The following AGAP1 variants were observed in gnomAD, a reference collection of about 807,000 sequenced individuals.
AGAP1 encodes ArfGAP with GTPase domain, ankyrin repeat and PH domain 1.
In AGAP1, 29 loss-of-function variants were observed where a neutral mutation model predicts 105.3. The observed-to-expected ratio is 0.28, with a 90% CI of 0.21 to 0.38. AGAP1 has a LOEUF of 0.38. Ranked by LOEUF, AGAP1 falls within the 10% of genes least tolerant of loss-of-function variation. The pLI is 1.00. For synonymous variants in AGAP1, 509 were observed against 485.9 expected, an observed-to-expected ratio of 1.05 and a Z score of -0.63; for missense variants, 998 against 1,165.1, an observed-to-expected ratio of 0.86 and a Z score of 2.09.
At position 236,048,428 on chromosome 2, in the gene AGAP1, A is replaced by G. The variant is rs1376639914; in HGVS notation, c.1892-631A>G. ...TCAGCGTTGGTTGCGCTGCGTGATA[A>G]CCTCACCAAAGGGCCCTGCCCACCA... On this transcript the variant is annotated intron_variant, in intron 15 of 17. Transcript: ENST00000304032. 2.0e-5 allele frequency among the ~76,000 whole-genome samples: 3 copies of G among 152,184 alleles called. No individual in the cohort carries two copies. In the East Asian group the frequency reaches 5.8e-4, roughly 29 times the overall value.
chr2:235,759,519 G>A (rs1426004057), intron 6 of AGAP1, among the ~76,000 whole-genome samples: 1 of 152,180 alleles, frequency 6.6e-6, no homozygotes, highest in Non-Finnish European at 1.5e-5. Context: ...ATCTGCAGAT[G>A]GTCTCCAGAA....
Position 235,739,117 on chromosome 2 carries a change from C to T in AGAP1, c.311-1846C>T, listed in dbSNP as rs1375423740. Among the ~76,000 whole-genome samples, 2 of 152,266 alleles carry T rather than the reference C, an allele frequency of 1.3e-5. No homozygotes were observed. Among genetic ancestry groups the T allele is most frequent in the Middle Eastern group, 3.4e-3 (1 of 294 alleles). On this transcript the variant is annotated intron_variant, in intron 3 of 17. Coordinates refer to ENST00000304032, the MANE Select transcript of AGAP1 (RefSeq NM_001037131.3). The surrounding 1 kb of genome is among the most constrained non-coding windows in gnomAD (Gnocchi z 5.3). Reference sequence around the variant, plus strand: ...TGCTTTGTGTCAACTTATTACTCCTCGCCTGCTAGGACATCATCCCCTTTG... The same window carrying T: ...TGCTTTGTGTCAACTTATTACTCCTTGCCTGCTAGGACATCATCCCCTTTG...
At chr2:235,585,216 C>T (rs1297226350) in intron 1 of AGAP1, among the ~76,000 whole-genome samples, 1 of 152,166 alleles carries the variant, frequency 6.6e-6, no homozygotes, top group Non-Finnish European at 1.5e-5. Context: ...ATGGGTCTTA[C>T]GGGCCTAAAA....
intron 9 of AGAP1, among the ~76,000 whole-genome samples, chr2:235,860,975 CCCT>C (rs1292570829): frequency 2.0e-5 from 3 of 152,140 alleles, no homozygotes; most frequent in Non-Finnish European, 4.4e-5. Context: ...CTGCAGACAC[CCCT>C]CCTCTTACCA....
intron 13 of AGAP1, among the ~76,000 whole-genome samples, chr2:236,023,906 C>T (rs905681585): frequency 6.6e-6 from 1 of 152,110 alleles, no homozygotes; most frequent in Non-Finnish European, 1.5e-5. Context: ...GATTCTCATC[C>T]GGTCATTGAA....
At position 235,865,252 on chromosome 2, in the gene AGAP1, C is replaced by T. The variant is rs187366650; in HGVS notation, c.1051-18093C>T. ...ATTAGCTCCTGGCCGAATCCAGTCCCGGCCGGCGCTTTGAAGCCTGTGCTG... is the reference window on the plus strand; with the variant it reads ...ATTAGCTCCTGGCCGAATCCAGTCCTGGCCGGCGCTTTGAAGCCTGTGCTG... On this transcript the variant is annotated intron_variant, in intron 9 of 17. Transcript: ENST00000304032. The surrounding 1 kb of genome is among the most constrained non-coding windows in gnomAD (Gnocchi z 6.2). Among the ~76,000 whole-genome samples the T allele has an allele frequency of 2.5e-3, 380 of 152,248 alleles. 2 individuals are homozygous for T. Among genetic ancestry groups the T allele is most frequent in the African/African-American group, 8.3e-3 (343 of 41,566 alleles).
rs1423511437 is a variant in AGAP1 at position 235,787,006 on chromosome 2, C to T, written c.674-10753C>T. Among the ~76,000 whole-genome samples, 4 of 152,196 alleles carry T rather than the reference C, an allele frequency of 2.6e-5. No individual in the cohort carries two copies. The highest frequency in any genetic ancestry group is 4.4e-5 in the Non-Finnish European group (3 of 68,032). On this transcript the variant is annotated intron_variant, in intron 6 of 17. Transcript: ENST00000304032. This position sits in a 1 kb window ranked among gnomAD's most constrained non-coding sequence, Gnocchi z 4.4. ...TCAGGCTTCCTTGAGGGAGCTGTCG[C>T]CCCCCAAATCAGGGTCTTGACACCA...
rs1292310992 is a variant in AGAP1 at position 236,027,742 on chromosome 2, CAG to C, written c.1646-8817_1646-8816del. Among the ~76,000 whole-genome samples the C allele has an allele frequency of 5.3e-5, 8 of 152,114 alleles. No homozygotes were observed. Among genetic ancestry groups the C allele is most frequent in the Admixed American group, 5.2e-4 (8 of 15,284 alleles). On this transcript the variant is annotated intron_variant, in intron 13 of 17. Transcript: ENST00000304032. The surrounding 1 kb of genome is among the most constrained non-coding windows in gnomAD (Gnocchi z 4.4). ...GCTAGGATGAACCATCTGGTCAAAA[CAG>C]AACAGAAACCCCAAAGAGCTGTTCA...
intron 16 of AGAP1, among the ~76,000 whole-genome samples, chr2:236,099,943 G>A (rs1487551278): frequency 1.3e-5 from 2 of 152,142 alleles, no homozygotes; most frequent in African/African-American, 4.8e-5. Flanking sequence ...AGGAGGCTAA[G>A]ACAGGAGAAT....
At chr2:236,122,744 A>G (rs1026541101) in intron 17 of AGAP1, among the ~76,000 whole-genome samples, 14 of 136,178 alleles carry the variant, frequency 1.0e-4, no homozygotes, top group African/African-American at 3.2e-4. Context: ...GTGCAGTGGC[A>G]CGATCTCGGC....
chr2:236,117,921 TG>T (rs758484757), intron 16 of AGAP1, among the ~76,000 whole-genome samples: 1 of 152,158 alleles, frequency 6.6e-6, no homozygotes, highest in Non-Finnish European at 1.5e-5. Context: ...GCTGCATTTG[TG>T]GGGGCCGGTG....
At chr2:235,776,757 C>G (rs887721758) in intron 6 of AGAP1, among the ~76,000 whole-genome samples, 1 of 152,118 alleles carries the variant, frequency 6.6e-6, no homozygotes, top group African/African-American at 2.4e-5. Flanking sequence ...ACTCCAGGCA[C>G]TGCAAGCTCG....
At chr2:235,823,569 C>A (rs969038247) in intron 9 of AGAP1, among the ~76,000 whole-genome samples, 1 of 152,198 alleles carries the variant, frequency 6.6e-6, no homozygotes, top group African/African-American at 2.4e-5. Context: ...AGAGCTTGCT[C>A]AAGGTCCTTC....
intron 9 of AGAP1, 48 bp downstream of exon 9, chr2:235,807,379 C>A: frequency 6.6e-7 from 1 of 1,520,890 alleles, no homozygotes; most frequent in Non-Finnish European, 8.9e-7. Flanking sequence ...AGATACACCT[C>A]AGGTCTTCCT....
rs1347236297 is a variant in AGAP1, at chr2:235,739,208, G to C, written c.311-1755G>C. ...ACACAGCTGTATGTGGCAGAGCCAG[G>C]GTTCAGGCAGAGCTAGGCCAGTATC... On this transcript the variant is annotated intron_variant, in intron 3 of 17. Coordinates refer to ENST00000304032, the MANE Select transcript of AGAP1 (RefSeq NM_001037131.3). This position sits in a 1 kb window ranked among gnomAD's most constrained non-coding sequence, Gnocchi z 5.3. 6.6e-6 allele frequency among the ~76,000 whole-genome samples: 1 copy of C among 152,244 alleles called. No individual in the cohort carries two copies. The highest frequency in any genetic ancestry group is 1.5e-5 in the Non-Finnish European group (1 of 68,046).
At position 235,830,711 on chromosome 2, in the gene AGAP1, G is replaced by A. The variant is rs950575704; in HGVS notation, c.1050+23380G>A. On this transcript the variant is annotated intron_variant, in intron 9 of 17. Coordinates refer to ENST00000304032, the MANE Select transcript of AGAP1 (RefSeq NM_001037131.3). This position sits in a 1 kb window ranked among gnomAD's most constrained non-coding sequence, Gnocchi z 5.5. ...TGTGCGGCCCCAAGCCACTAACACA[G>A]CACTCCTAGTGTTCCTCACAGCAGG... is the stretch of plus-strand genomic sequence containing the variant. 8.5e-5 allele frequency among the ~76,000 whole-genome samples: 13 copies of A among 152,326 alleles called. No homozygotes were observed. Among genetic ancestry groups the A allele is most frequent in the African/African-American group, 2.9e-4 (12 of 41,576 alleles).
rs1204430464 is a variant in AGAP1, at chr2:235,992,996, A to G, written c.1645+24373A>G. Among the ~76,000 whole-genome samples the G allele has an allele frequency of 6.6e-6, 1 of 152,178 alleles. No individual in the cohort carries two copies. Among genetic ancestry groups the G allele is most frequent in the African/African-American group, 2.4e-5 (1 of 41,418 alleles). ...CTGACGTGTCTGCCTTTCATGAAAG[A>G]TAGTAGCAAAAGTTATTGTTATACG... On this transcript the variant is annotated intron_variant, in intron 13 of 17. Transcript: ENST00000304032. The surrounding 1 kb of genome is among the most constrained non-coding windows in gnomAD (Gnocchi z 4.8).
intron 1 of AGAP1, among the ~76,000 whole-genome samples, chr2:235,530,165 C>T (rs1942992717): frequency 6.6e-6 from 1 of 152,124 alleles, no homozygotes; most frequent in African/African-American, 2.4e-5. Context: ...CTGCAGTTGG[C>T]CTCAAATGCA....
chr2:235,841,789 T>G (rs193154052), intron 9 of AGAP1, among the ~76,000 whole-genome samples: 65 of 152,288 alleles, frequency 4.3e-4, no homozygotes, highest in African/African-American at 1.4e-3. Flanking sequence ...GCTCTGAGTT[T>G]CTGTTTTCCT....
Sources: gnomAD v4.1 joint callset for allele counts (sites outside exome capture counted in the v4.1 genomes callset) on GRCh38, gnomAD v4.1.1 for gene constraint, Gnocchi (gnomAD v3.1) non-coding constraint, MANE v1.5 for transcripts, NCBI Gene and HGNC (gene_info 2026-07-23, HGNC 2026-07-21) for gene names.